FBRSL1: variants seen among roughly 807,000 people sequenced by gnomAD.
FBRSL1 encodes the protein fibrosin-1-like protein.
A neutral mutation model predicts 89.6 loss-of-function variants in FBRSL1; 51 were observed. That is an observed-to-expected ratio of 0.57 (90% CI 0.45 to 0.72). The LOEUF is 0.72. Ranked by LOEUF, FBRSL1 falls within the 30% of genes least tolerant of loss-of-function variation. FBRSL1 has a pLI of 0.00. For missense variants in FBRSL1, 1,618 were observed against 1,451.8 expected (o/e 1.11, Z -1.86); for synonymous variants, 779 against 681.1 (o/e 1.14, Z -2.24).
At position 132,490,771 on chromosome 12, in the gene FBRSL1, G is replaced by GCGCCGC; in HGVS notation, c.211_216dup (p.Arg71_Arg72dup). 3 of 1,164,166 alleles carry GCGCCGC rather than the reference G, an allele frequency of 2.6e-6. No individual in the cohort carries two copies. Among genetic ancestry groups the GCGCCGC allele is most frequent in the East Asian group, 4.1e-5 (1 of 24,666 alleles). The allele number at this position is 1,164,166 out of a possible 1,614,324, so 72.1% of individuals were successfully genotyped here. ...CCGCGCCCCGCACCGCGCGTCCCCCGCGCCGCCGCCGCCGCGAGTCCAGCT... is the reference window on the plus strand; with the variant it reads ...CCGCGCCCCGCACCGCGCGTCCCCCGCGCCGCCGCCGCCGCCGCCGCGAGTCCAGCT... On this transcript the variant is annotated inframe_insertion, in exon 1 of 19. Transcript: ENST00000680143.
Position 132,583,460 on chromosome 12 carries a change from C to T in FBRSL1, c.2691C>T (p.Arg897=), listed in dbSNP as rs2040934379. 3.2e-5 allele frequency: 34 copies of T among 1,061,954 alleles called. No individual in the cohort carries two copies. The highest frequency in any genetic ancestry group is 3.8e-5 in the Non-Finnish European group (33 of 877,914). The allele number at this position is 1,061,954 out of a possible 1,614,324, so 65.8% of individuals were successfully genotyped here. The change falls in exon 19 of 19, where the codon CGC becomes CGT. Residue 897 remains arginine (R), a synonymous_variant. Transcript: ENST00000680143. ...DREPHGYSPE[R]LRGELERARA... ...AGCCCCACGGCTACAGCCCCGAGCG[C>T]CTGCGCGGGGAGCTGGAGCGCGCGC...
intron 4 of FBRSL1, among the ~76,000 whole-genome samples, chr12:132,529,246 G>A (rs2136984932): frequency 6.6e-6 from 1 of 152,338 alleles, no homozygotes; most frequent in East Asian, 1.9e-4. Flanking sequence ...ATGACCCAGT[G>A]TGGCCAGGCC....
intron 4 of FBRSL1, among the ~76,000 whole-genome samples, chr12:132,538,052 G>A (rs894205355): frequency 3.9e-5 from 6 of 152,168 alleles, no homozygotes; most frequent in Admixed American, 6.5e-5. Context: ...TGGGGGAACG[G>A]GCTCACCCAG....
chr12:132,530,842 G>A (rs796473714), intron 4 of FBRSL1, among the ~76,000 whole-genome samples: 8 of 152,198 alleles, frequency 5.3e-5, no homozygotes, highest in African/African-American at 1.2e-4. Context: ...GGTCCTGTGC[G>A]TGTGCACTGG....
At chr12:132,494,810 G>A (rs539276847) in intron 1 of FBRSL1, among the ~76,000 whole-genome samples, 5 of 152,276 alleles carry the variant, frequency 3.3e-5, no homozygotes, top group South Asian at 4.1e-4. Flanking sequence ...GAATAAAGGC[G>A]GAAGGAAAGC....
intron 9 of FBRSL1, 128 bp downstream of exon 9, chr12:132,571,359 C>T (rs1377049927): frequency 7.1e-6 from 11 of 1,550,484 alleles, no homozygotes; most frequent in South Asian, 1.2e-5. Context: ...TGCAGAGCGC[C>T]GAGCGGCCTG....
chr12:132,536,149 T>G (rs1391045611), intron 4 of FBRSL1, among the ~76,000 whole-genome samples: 1 of 124,208 alleles, frequency 8.1e-6, no homozygotes, highest in African/African-American at 3.5e-5. Context: ...GGTGTGTGAG[T>G]GCACGTGTGC....
At chr12:132,549,081 C>G (rs905198347) in intron 5 of FBRSL1, among the ~76,000 whole-genome samples, 12 of 151,962 alleles carry the variant, frequency 7.9e-5, no homozygotes, top group Non-Finnish European at 1.6e-4. Flanking sequence ...TGGCGGTGGC[C>G]GGGGGAGGAG....
intron 4 of FBRSL1, among the ~76,000 whole-genome samples, chr12:132,541,360 G>C (rs1373100421): frequency 6.6e-6 from 1 of 152,190 alleles, no homozygotes; most frequent in Non-Finnish European, 1.5e-5. Flanking sequence ...CCAGATTTGG[G>C]CCCTGCAGCT....
intron 5 of FBRSL1, among the ~76,000 whole-genome samples, chr12:132,549,522 C>T (rs773731769): frequency 6.6e-6 from 1 of 152,232 alleles, no homozygotes; most frequent in African/African-American, 2.4e-5. Flanking sequence ...TCCCCACCTC[C>T]TTTCATTTAA....
intron 2 of FBRSL1, among the ~76,000 whole-genome samples, chr12:132,522,487 C>T (rs1245311914): frequency 6.6e-6 from 1 of 152,216 alleles, no homozygotes; most frequent in African/African-American, 2.4e-5. Flanking sequence ...AGCGGCTGGT[C>T]TGCGGCTGCC....
intron 5 of FBRSL1, chr12:132,551,233 G>C: frequency 2.7e-6 from 1 of 369,242 alleles, no homozygotes; most frequent in Non-Finnish European, 5.5e-6. Flanking sequence ...ACCCGTCTGT[G>C]AACTGGATAT....
At chr12:132,526,894 G>T (rs530866670) in intron 3 of FBRSL1, among the ~76,000 whole-genome samples, 1 of 152,216 alleles carries the variant, frequency 6.6e-6, no homozygotes, top group South Asian at 2.1e-4. Context: ...TGGTCTGAGT[G>T]TGTAGCTGGT....
intron 4 of FBRSL1, among the ~76,000 whole-genome samples, chr12:132,540,766 T>C (rs2037192049): frequency 6.6e-6 from 1 of 151,230 alleles, no homozygotes; most frequent in Admixed American, 6.6e-5. Context: ...GGGGGGCCCC[T>C]CCCCGATGGC....
At chr12:132,564,653 G>A (rs529295844) in intron 5 of FBRSL1, among the ~76,000 whole-genome samples, 4 of 104,970 alleles carry the variant, frequency 3.8e-5, no homozygotes, top group African/African-American at 4.6e-5. Flanking sequence ...CCGCCACCAC[G>A]CCCGGCTAAT....
chr12:132,508,361 C>A lies in FBRSL1; in HGVS notation c.489+11C>A. ...CAGCCCTCCAAGCAGGTGAGCAGGT[C>A]CCTCCCCGACCGGAAGCTCTGCGGC... On this transcript the variant is annotated intron_variant, in intron 2 of 18. Transcript: ENST00000680143. The A allele has an allele frequency of 6.7e-7, 1 of 1,483,748 alleles. No individual in the cohort carries two copies. The allele number at this position is 1,483,748 out of a possible 1,614,324, so 91.9% of individuals were successfully genotyped here.
rs1171394672 is a variant in FBRSL1, at chr12:132,584,418, C to T, written c.*640C>T. ...TATATGACGTTACTAAATTCTTAAT[C>T]TAGATAGACTTTATAAAAACCGTTT... On this transcript the variant is annotated 3_prime_UTR_variant, in exon 19 of 19. Transcript: ENST00000680143. 1 of 152,186 alleles carries T rather than the reference C, an allele frequency of 6.6e-6. No homozygotes were observed. The allele number at this position is 152,186 out of a possible 1,614,324, so 9.4% of individuals were successfully genotyped here.
intron 9 of FBRSL1, chr12:132,571,558 G>T (rs1433617735): frequency 2.7e-5 from 36 of 1,327,560 alleles, no homozygotes; most frequent in Non-Finnish European, 3.3e-5. Flanking sequence ...GGGGGCGGGG[G>T]CGGGCGTGGG....
intron 2 of FBRSL1, among the ~76,000 whole-genome samples, chr12:132,520,112 A>C (rs879547354): frequency 2.2e-3 from 114 of 52,708 alleles, no homozygotes; most frequent in Middle Eastern, 0.01. Context: ...CTCCTTGCAC[A>C]CCTCCAGCAC....
Sources: gnomAD v4.1 joint callset for allele counts (sites outside exome capture counted in the v4.1 genomes callset) on GRCh38, gnomAD v4.1.1 for gene constraint, MANE v1.5 for transcripts, NCBI Gene and HGNC (gene_info 2026-07-23, HGNC 2026-07-21) for gene names.